STK33: variants seen among roughly 807,000 people sequenced by gnomAD.
STK33 encodes serine/threonine-protein kinase 33.
A neutral mutation model predicts 58.0 loss-of-function variants in STK33; 52 were observed. The ratio of observed to expected loss-of-function variants is 0.90; its 90% confidence interval spans 0.72 to 1.13. STK33 has a LOEUF of 1.13. Among genes scored for constraint, STK33 ranks in the 50% most tolerant of loss-of-function variants. The probability of loss-of-function intolerance (pLI) is 0.00; values close to 1 mark genes in which losing one functional copy is unlikely to be tolerated. For missense variants in STK33, 630 were observed against 604.2 expected (o/e 1.04, Z -0.45); for synonymous variants, 215 against 200.1 (o/e 1.07, Z -0.63).
chr11:8,368,917 G>A, the STK33 span, among the ~76,000 whole-genome samples: 7 of 152,178 alleles, frequency 4.6e-5, no homozygotes, highest in Admixed American at 3.9e-4. Flanking sequence ...TCACACAAAC[G>A]AGCAGTGTGC....
At chr11:8,436,898 A>C (rs1255300023) in intron 12 of STK33, among the ~76,000 whole-genome samples, 1 of 152,122 alleles carries the variant, frequency 6.6e-6, no homozygotes, top group African/African-American at 2.4e-5. Flanking sequence ...GGGTTTCACC[A>C]TGTTGGCCAG....
chr11:8,526,521 T>C (rs779855964), intron 1 of STK33, among the ~76,000 whole-genome samples: 11 of 152,162 alleles, frequency 7.2e-5, no homozygotes, highest in African/African-American at 2.7e-4. Flanking sequence ...TGTTCCCAAC[T>C]TAAAAGTCTG....
intron 1 of STK33, among the ~76,000 whole-genome samples, chr11:8,522,845 G>C (rs565589488): frequency 1.3e-5 from 2 of 152,008 alleles, no homozygotes; most frequent in African/African-American, 2.4e-5. Context: ...ATGCCCAGCC[G>C]AGGCTGGACT....
At chr11:8,426,018 T>C (rs1169502756) in intron 14 of STK33, among the ~76,000 whole-genome samples, 5 of 152,200 alleles carry the variant, frequency 3.3e-5, no homozygotes, top group Admixed American at 6.5e-5. Flanking sequence ...CATAGGTGGC[T>C]TGTGTTAGTC....
intron 7 of STK33, among the ~76,000 whole-genome samples, chr11:8,463,841 C>A (rs1163655364): frequency 2.6e-5 from 4 of 151,994 alleles, no homozygotes; most frequent in Non-Finnish European, 2.9e-5. Context: ...TAGCTAACAC[C>A]AAAGGAGAAA....
the STK33 span, among the ~76,000 whole-genome samples, chr11:8,386,406 T>C: frequency 6.6e-6 from 1 of 152,228 alleles, no homozygotes; most frequent in African/African-American, 2.4e-5. Flanking sequence ...GGTAATTACT[T>C]CTGGAAGAAA....
chr11:8,544,437 A>G (rs931356932), intron 1 of STK33, among the ~76,000 whole-genome samples: 3 of 150,496 alleles, frequency 2.0e-5, no homozygotes, highest in Non-Finnish European at 4.4e-5. Flanking sequence ...ACAAATACTT[A>G]GAAGAATAAT....
At chr11:8,500,766 T>C (rs559268473) in intron 1 of STK33, among the ~76,000 whole-genome samples, 1 of 152,304 alleles carries the variant, frequency 6.6e-6, no homozygotes, top group East Asian at 1.9e-4. Flanking sequence ...CACTCATACT[T>C]AATGATTTTA....
intron 6 of STK33, among the ~76,000 whole-genome samples, chr11:8,468,877 A>G (rs1458246372): frequency 6.6e-6 from 1 of 152,256 alleles, no homozygotes; most frequent in East Asian, 1.9e-4. Flanking sequence ...AGCATATAAA[A>G]GTTATGTTTA....
intron 14 of STK33, among the ~76,000 whole-genome samples, chr11:8,430,579 AGCTT>A (rs1246087036): frequency 6.6e-6 from 1 of 152,192 alleles, no homozygotes; most frequent in African/African-American, 2.4e-5. Flanking sequence ...GGGTTGGATA[AGCTT>A]GCTTAAAAGA....
chr11:8,449,547 C>T (rs1945996685), intron 11 of STK33, among the ~76,000 whole-genome samples: 1 of 150,510 alleles, frequency 6.6e-6, no homozygotes, highest in South Asian at 2.1e-4. Context: ...AAACCAAACA[C>T]CGCATGTTCT....
chr11:8,409,219 A>G (rs561721486), intron 15 of STK33, among the ~76,000 whole-genome samples: 106 of 152,320 alleles, frequency 7.0e-4, no homozygotes, highest in Middle Eastern at 3.4e-3. Context: ...TTTCTCAATT[A>G]ATTTCAGTTT....
intron 1 of STK33, among the ~76,000 whole-genome samples, chr11:8,542,429 G>A (rs915645462): frequency 1.3e-5 from 2 of 152,136 alleles, no homozygotes; most frequent in East Asian, 1.9e-4. Flanking sequence ...GGTTCTCAAC[G>A]GAAGTGATTT....
chr11:8,350,518 C>T, the STK33 span, among the ~76,000 whole-genome samples: 1 of 152,214 alleles, frequency 6.6e-6, no homozygotes, highest in African/African-American at 2.4e-5. Flanking sequence ...TGACAGCTCA[C>T]ATCTCACCTT....
chr11:8,588,187 G>A (rs2032025841), intron 1 of STK33, among the ~76,000 whole-genome samples: 1 of 152,092 alleles, frequency 6.6e-6, no homozygotes, highest in Non-Finnish European at 1.5e-5. Context: ...CAAAATACCA[G>A]CACACTGGGG....
At chr11:8,430,606 T>G (rs2136142490) in intron 14 of STK33, among the ~76,000 whole-genome samples, 1 of 152,322 alleles carries the variant, frequency 6.6e-6, no homozygotes, top group East Asian at 1.9e-4. Flanking sequence ...AATAGCTCTC[T>G]TCTTGGAAAT....
chr11:8,553,201 G>GATACA (rs1956462841), intron 1 of STK33, among the ~76,000 whole-genome samples: 2 of 61,134 alleles, frequency 3.3e-5, no homozygotes, highest in Non-Finnish European at 5.7e-5. Context: ...TATATATGGT[G>GATACA]TATATATATA....
At chr11:8,438,707 A>C (rs1179298785) in intron 12 of STK33, among the ~76,000 whole-genome samples, 1 of 152,200 alleles carries the variant, frequency 6.6e-6, no homozygotes, top group Non-Finnish European at 1.5e-5. Context: ...CAAACTAAGA[A>C]GGCAGCAAAC....
At chr11:8,398,232 G>A (rs1054905145) in intron 15 of STK33, among the ~76,000 whole-genome samples, 2 of 152,202 alleles carry the variant, frequency 1.3e-5, no homozygotes, top group African/African-American at 4.8e-5. Context: ...TTACCCACAA[G>A]GTGAAGCCCA....
Sources: gnomAD v4.1 joint callset for allele counts (sites outside exome capture counted in the v4.1 genomes callset) on GRCh38, gnomAD v4.1.1 for gene constraint, MANE v1.5 for transcripts, NCBI Gene and HGNC (gene_info 2026-07-23, HGNC 2026-07-21) for gene names.